Variants in TCN2 observed in about 807,000 individuals in gnomAD.
The protein encoded by TCN2 is transcobalamin 2.
Under a neutral mutation model 48.6 loss-of-function variants are expected in TCN2, and 34 were observed. The ratio of observed to expected loss-of-function variants is 0.70; its 90% CI spans 0.53 to 0.93. TCN2 has a LOEUF of 0.93. Ranked by LOEUF, TCN2 falls within the 40% of genes least tolerant of loss-of-function variation. The pLI, the probability that TCN2 is intolerant of heterozygous loss-of-function variation, is 0.00. For synonymous variants in TCN2, 283 were observed against 212.5 expected (o/e 1.33, Z -2.89); for missense variants, 652 against 526.1 (o/e 1.24, Z -2.34).
chr22:30,608,211 C>T (rs1349066340), intron 1 of TCN2, among the ~76,000 whole-genome samples: 1 of 152,208 alleles, frequency 6.6e-6, no homozygotes, highest in African/African-American at 2.4e-5. Context: ...GAGCAATACA[C>T]TTTCACCCCC....
chr22:30,613,520 C>A (rs573259943), intron 3 of TCN2, among the ~76,000 whole-genome samples: 1 of 152,154 alleles, frequency 6.6e-6, no homozygotes, highest in Non-Finnish European at 1.5e-5. Context: ...CTCAGGTGAT[C>A]CGCTTGCCTT....
chr22:30,620,657 A>C (rs1192382288), intron 7 of TCN2, among the ~76,000 whole-genome samples: 1 of 152,248 alleles, frequency 6.6e-6, no homozygotes, highest in Non-Finnish European at 1.5e-5. Flanking sequence ...TTCATGTTTG[A>C]ATATTGTCAT....
chr22:30,610,983 C>T lies in TCN2; in HGVS notation c.177C>T (p.Arg59=), dbSNP rs1385212847. 2 of 1,614,098 alleles carry T rather than the reference C, an allele frequency of 1.2e-6. No individual in the cohort carries two copies. The highest frequency in any genetic ancestry group is 2.7e-5 in the African/African-American group (2 of 74,934). The change falls in exon 2 of 9, where the codon CGC becomes CGT. Residue 59 remains arginine (R), a synonymous_variant. Coordinates refer to ENST00000215838, the MANE Select transcript of TCN2 (RefSeq NM_000355.4). ...ACCCCAGCATCTATGTGGGCCTACG[C>T]CTCTCCAGTCTGCAGGCTGGGACCA... ...HLNPSIYVGL[R]LSSLQAGTKE...
intron 6 of TCN2, among the ~76,000 whole-genome samples, chr22:30,616,118 C>T (rs1453490909): frequency 6.6e-6 from 1 of 152,012 alleles, no homozygotes; most frequent in African/African-American, 2.4e-5. Flanking sequence ...ACATGATAAG[C>T]CCCAGTAGCA....
At chr22:30,610,808 C>G in intron 1 of TCN2, 63 bp from the exon 2 acceptor site, 1 of 1,589,966 alleles carries the variant, frequency 6.3e-7, no homozygotes, top group Non-Finnish European at 8.6e-7. Flanking sequence ...CTGGTAACGT[C>G]AAAGCACTTC....
chr22:30,617,258 G>A lies in TCN2; in HGVS notation c.941-72G>A, dbSNP rs2087624124. ...GGACAAAGTCCAGGTGTCCTTGAGG[G>A]AAGACAAGAAGACAAATAATCCAGG... is the stretch of plus-strand genomic sequence containing the variant. On this transcript the variant is annotated intron_variant, in intron 6 of 8. Transcript: ENST00000215838. The A allele has an allele frequency of 6.9e-6, 11 of 1,604,296 alleles. No individual in the cohort carries two copies. In the South Asian group the frequency reaches 1.2e-4, roughly 18 times the overall value.
chr22:30,610,094 T>G, intron 1 of TCN2: 1 of 423,830 alleles, frequency 2.4e-6, no homozygotes, highest in South Asian at 1.8e-5. Context: ...GAACTATCCC[T>G]AAGGCTTCCG....
At position 30,617,481 on chromosome 22, in the gene TCN2, G is replaced by A. The variant is rs886057397; in HGVS notation, c.1092G>A (p.Glu364=). The change falls in exon 7 of 9, where the codon GAG becomes GAA. Residue 364 remains glutamate (E), a synonymous_variant. Coordinates refer to ENST00000215838, the MANE Select transcript of TCN2 (RefSeq NM_000355.4). ...AAGATGTCCTGAAGAAGGCCCATGAGTTAGGAGGATTCACGTGAGACTCCC... is the reference window on the plus strand; with the variant it reads ...AAGATGTCCTGAAGAAGGCCCATGAATTAGGAGGATTCACGTGAGACTCCC... The part of the protein sequence containing the change: ...TVEDVLKKAH[E]LGGFTYETQA... The A allele has an allele frequency of 9.9e-6, 16 of 1,614,054 alleles. 1 individual carries two copies. In the South Asian group the frequency reaches 1.5e-4, roughly 16 times the overall value.
In TCN2 at chr22:30,626,912, G is replaced by C; in HGVS notation, c.*391G>C. On this transcript the variant is annotated 3_prime_UTR_variant, in exon 9 of 9. Transcript: ENST00000215838. The stretch of plus-strand genomic sequence containing the variant: ...TCCTGCAAGAAGGCCTCCTCAGCCC[G>C]GGGGCTATGGCCCTGACCCCAGCTC... The C allele has an allele frequency of 2.9e-6, 1 of 340,506 alleles. No homozygotes were observed. The highest frequency in any genetic ancestry group is 5.7e-6 in the Non-Finnish European group (1 of 174,940). 21.1% of individuals were successfully genotyped at this position (340,506 alleles called of 1,614,324 possible).
Position 30,615,332 on chromosome 22 carries a change from C to T in TCN2, c.612C>T (p.Thr204=), listed in dbSNP as rs1237569304. The stretch of plus-strand genomic sequence containing the variant: ...CAGCCATGGCAGGCTTGGCATTCAC[C>T]TGTCTGAAGCGCTCAAACTTCAACC... The part of the protein sequence containing the change: ...DTAAMAGLAF[T]CLKRSNFNPG... The change falls in exon 5 of 9, where the codon ACC becomes ACT. Residue 204 remains threonine (T), a synonymous_variant. Coordinates refer to ENST00000215838, the MANE Select transcript of TCN2 (RefSeq NM_000355.4). The T allele has an allele frequency of 7.4e-6, 12 of 1,614,110 alleles. No homozygotes were observed. The highest frequency in any genetic ancestry group is 6.7e-5 in the East Asian group (3 of 44,890).
chr22:30,621,919 TC>T (rs1379268616), intron 7 of TCN2, among the ~76,000 whole-genome samples: 18 of 152,268 alleles, frequency 1.2e-4, no homozygotes, highest in African/African-American at 1.4e-4. Context: ...TTGAAGCCCT[TC>T]TTCCAGGGGA....
At chr22:30,625,687 CT>C (rs2087797359) in intron 8 of TCN2, among the ~76,000 whole-genome samples, 1 of 152,132 alleles carries the variant, frequency 6.6e-6, no homozygotes, top group Admixed American at 6.5e-5. Context: ...TGGTCTCGAA[CT>C]TCTGAACTCA....
rs748763337 is a variant in TCN2, at chr22:30,615,816, C to A, written c.940+29C>A. The stretch of plus-strand genomic sequence containing the variant: ...GCCCAACTTTTTGTGGAAGCACAGC[C>A]CTTTACAATCTGCTGCGCACCCATT... On this transcript the variant is annotated intron_variant, in intron 6 of 8. Transcript: ENST00000215838. 8 of 1,613,270 alleles carry A rather than the reference C, an allele frequency of 5.0e-6. No individual in the cohort carries two copies. In the African/African-American group the frequency reaches 9.3e-5, roughly 19 times the overall value.
At chr22:30,609,786 C>T (rs2087508177) in intron 1 of TCN2, among the ~76,000 whole-genome samples, 1 of 152,126 alleles carries the variant, frequency 6.6e-6, no homozygotes, top group Admixed American at 6.5e-5. Flanking sequence ...TGGTCTGGGC[C>T]CACACAGCAA....
At position 30,618,273 on chromosome 22, in the gene TCN2, T is replaced by G. The variant is rs80139375; in HGVS notation, c.1106+778T>G. On this transcript the variant is annotated intron_variant, in intron 7 of 8. Transcript: ENST00000215838. ...CCAGAATAATAACTGGTTTTTTTTGTTTTTTTTTTTGAGACAGAGTCTCAC... is the reference window on the plus strand; with the variant it reads ...CCAGAATAATAACTGGTTTTTTTTGGTTTTTTTTTTGAGACAGAGTCTCAC... Among the ~76,000 whole-genome samples, 53 of 22,006 alleles carry G rather than the reference T, an allele frequency of 2.4e-3. No individual in the cohort carries two copies. In the South Asian group the frequency reaches 0.029, roughly 12 times the overall value. The allele number at this position is 22,006 out of a possible 152,430, so 14.4% of individuals were successfully genotyped here.
At chr22:30,619,996 A>C (rs2087673888) in intron 7 of TCN2, among the ~76,000 whole-genome samples, 1 of 152,148 alleles carries the variant, frequency 6.6e-6, no homozygotes, top group African/African-American at 2.4e-5. Flanking sequence ...CTCTTCAAAA[A>C]AATTTTTTTA....
rs144152366 is a variant in TCN2, at chr22:30,613,868, C to T, written c.428-481C>T. 2.6e-3 allele frequency among the ~76,000 whole-genome samples: 395 copies of T among 152,328 alleles called. 2 individuals are homozygous for T. Among genetic ancestry groups the T allele is most frequent in the Non-Finnish European group, 3.9e-3 (263 of 68,034 alleles). ...ATTCTCTGCCTCCCACACACCTGCC[C>T]TCTGTGGGCTCCAGCCATACCATCT... On this transcript the variant is annotated intron_variant, in intron 3 of 8. Coordinates refer to ENST00000215838, the MANE Select transcript of TCN2 (RefSeq NM_000355.4).
rs191059488 is a variant in TCN2, at chr22:30,616,646, G to A, written c.941-684G>A. ...TGAAACCCTGTCTTTACTAAAATAC[G>A]AAAGATTAGCCAGGCATGGTGGTAG... is the stretch of plus-strand genomic sequence containing the variant. On this transcript the variant is annotated intron_variant, in intron 6 of 8. Transcript: ENST00000215838. Among the ~76,000 whole-genome samples, 186 of 151,996 alleles carry A rather than the reference G, an allele frequency of 1.2e-3. 1 individual carries two copies. Among genetic ancestry groups the A allele is most frequent in the African/African-American group, 4.1e-3 (168 of 41,472 alleles).
chr22:30,624,061 C>CACACACAT (rs1569047291), intron 8 of TCN2, among the ~76,000 whole-genome samples: 1 of 14,002 alleles, frequency 7.1e-5, no homozygotes, highest in East Asian at 8.3e-4. Context: ...CACACACACA[C>CACACACAT]ATATATATAT....
Sources: gnomAD v4.1 joint callset for allele counts (sites outside exome capture counted in the v4.1 genomes callset) on GRCh38, gnomAD v4.1.1 for gene constraint, MANE v1.5 for transcripts, NCBI Gene and HGNC (gene_info 2026-07-23, HGNC 2026-07-21) for gene names.